BAZ2B: variants seen among roughly 807,000 people sequenced by gnomAD.
BAZ2B encodes the protein bromodomain adjacent to zinc finger domain 2B.
A neutral mutation model predicts 246.0 loss-of-function variants in BAZ2B; 91 were observed. That is an observed-to-expected ratio of 0.37 (90% confidence interval 0.31 to 0.44). The LOEUF (loss-of-function observed/expected upper bound fraction) is 0.44, where lower values mean the gene tolerates loss of function less well. Ranked by LOEUF, BAZ2B falls within the 20% of genes least tolerant of loss-of-function variation. The probability of loss-of-function intolerance (pLI) is 1.00; values close to 1 mark genes in which losing one functional copy is unlikely to be tolerated. For missense variants in BAZ2B, 2,332 were observed against 2,533.7 expected, an observed-to-expected ratio of 0.92 and a Z score of 1.71; for synonymous variants, 855 against 860.0, an observed-to-expected ratio of 0.99 and a Z score of 0.10.
At chr2:159,697,116 T>C in the BAZ2B span, among the ~76,000 whole-genome samples, 2 of 152,178 alleles carry the variant, frequency 1.3e-5, no homozygotes, top group African/African-American at 4.8e-5. Flanking sequence ...TGTTCATCTT[T>C]ATTGGTTTTC....
chr2:159,440,956 T>A (rs1429324977), intron 6 of BAZ2B, among the ~76,000 whole-genome samples: 1 of 152,260 alleles, frequency 6.6e-6, no homozygotes, highest in East Asian at 1.9e-4. Flanking sequence ...GAAACTGAAT[T>A]GGAATTGTAT....
the BAZ2B span, among the ~76,000 whole-genome samples, chr2:159,661,582 A>G: frequency 6.6e-6 from 1 of 152,210 alleles, no homozygotes; most frequent in African/African-American, 2.4e-5. Context: ...TAATTCCTCT[A>G]TAACCATGTC....
intron 2 of BAZ2B, among the ~76,000 whole-genome samples, chr2:159,520,539 G>T (rs923765031): frequency 6.6e-6 from 1 of 151,976 alleles, no homozygotes; most frequent in African/African-American, 2.4e-5. Flanking sequence ...TCAACATGTA[G>T]CAAATACTCT....
At position 159,337,637 on chromosome 2, in the gene BAZ2B, G is replaced by A. The variant is rs751811889; in HGVS notation, c.5590C>T (p.Arg1864Trp). 5.0e-6 allele frequency: 8 copies of A among 1,614,158 alleles called. No individual in the cohort carries two copies. The highest frequency in any genetic ancestry group is 2.7e-5 in the African/African-American group (2 of 75,044). Residue 1864 changes from arginine (R) to tryptophan (W), a missense_variant, in exon 32 of 37, where the codon CGG becomes TGG. Around this residue, in one of 9 missense-constraint regions of BAZ2B, gnomAD observed 676 missense variants for 668.6 expected, o/e 1.01. Transcript: ENST00000392783. ...EDESSAHALE[R>W]KSDNPLDIAV... Reference sequence around the variant, plus strand: ...ATATCTAGGGGGTTGTCACTCTTCCGTTCTAGTGCATGTGCACTGCTTTCG... The same window carrying A: ...ATATCTAGGGGGTTGTCACTCTTCCATTCTAGTGCATGTGCACTGCTTTCG...
chr2:159,325,114 ATTTT>A lies in BAZ2B; in HGVS notation c.6210-164_6210-161del, dbSNP rs1558944519. On this transcript the variant is annotated intron_variant, in intron 35 of 36. Transcript: ENST00000392783. The stretch of plus-strand genomic sequence containing the variant: ...ATATTATATATATATATATATATAT[ATTTT>A]ATATATATATATATATATATATATA... 1.2e-3 allele frequency among the ~76,000 whole-genome samples: 9 copies of A among 7,732 alleles called. 3 individuals are homozygous for A. The highest frequency in any genetic ancestry group is 6.0e-3 in the South Asian group (1 of 168). The allele number at this position is 7,732 out of a possible 152,430, so 5.1% of individuals were successfully genotyped here.
At chr2:159,634,178 G>C in the BAZ2B span, among the ~76,000 whole-genome samples, 2 of 152,212 alleles carry the variant, frequency 1.3e-5, no homozygotes, top group African/African-American at 4.8e-5. Context: ...GAATAGCACA[G>C]TGTGAGAATA....
intron 13 of BAZ2B, among the ~76,000 whole-genome samples, chr2:159,416,822 C>T (rs1027232699): frequency 9.2e-5 from 14 of 152,126 alleles, no homozygotes; most frequent in African/African-American, 3.4e-4. Flanking sequence ...TCTTCTGAAT[C>T]TTAGATTTTA....
rs143066652 is a variant in BAZ2B, at chr2:159,509,770, T to C, written c.-2-31049A>G. Among the ~76,000 whole-genome samples, 627 of 152,226 alleles carry C rather than the reference T, an allele frequency of 4.1e-3. 5 individuals are homozygous for C. The highest frequency in any genetic ancestry group is 0.014 in the African/African-American group (596 of 41,536). On this transcript the variant is annotated intron_variant, in intron 2 of 36. Coordinates refer to ENST00000392783, the MANE Select transcript of BAZ2B (RefSeq NM_013450.4). The stretch of plus-strand genomic sequence containing the variant: ...TACATATTTAATATGTATTTGCATA[T>C]ATGTACAAACATATGTATATATGTA...
chr2:159,403,821 T>C (rs1405980546), intron 16 of BAZ2B, among the ~76,000 whole-genome samples: 1 of 152,162 alleles, frequency 6.6e-6, no homozygotes, highest in Non-Finnish European at 1.5e-5. Flanking sequence ...TATTCAGATA[T>C]TGCAGTTAAC....
At chr2:159,621,856 A>C in the BAZ2B span, among the ~76,000 whole-genome samples, 2 of 152,152 alleles carry the variant, frequency 1.3e-5, no homozygotes, top group Non-Finnish European at 2.9e-5. Flanking sequence ...CTGTAATCCC[A>C]GCACTTTGGG....
the BAZ2B span, among the ~76,000 whole-genome samples, chr2:159,710,212 C>CTT: frequency 0.063 from 9,021 of 143,702 alleles, 372 homozygotes; most frequent in Non-Finnish European, 0.09. Flanking sequence ...AGCAAAATGT[C>CTT]TTTTTTTTTT....
chr2:159,513,936 C>T (rs1322486416), intron 2 of BAZ2B, among the ~76,000 whole-genome samples: 2 of 152,116 alleles, frequency 1.3e-5, no homozygotes, highest in Non-Finnish European at 2.9e-5. Flanking sequence ...CTCACAATGA[C>T]AACCATTCAT....
chr2:159,362,948 G>A (rs1343725113), intron 27 of BAZ2B, among the ~76,000 whole-genome samples: 1 of 152,166 alleles, frequency 6.6e-6, no homozygotes, highest in Non-Finnish European at 1.5e-5. Context: ...TGTGAAGCCA[G>A]TTACTGTGAG....
rs1046803045 is a variant in BAZ2B, at chr2:159,378,295, T to A, written c.4006-3542A>T. On this transcript the variant is annotated intron_variant, in intron 25 of 36. Transcript: ENST00000392783. ...GATGAATGTACATAATTCAGTAGTTTCAAAAGTATAATATTATGAAATAAA... is the reference window on the plus strand; with the variant it reads ...GATGAATGTACATAATTCAGTAGTTACAAAAGTATAATATTATGAAATAAA... Among the ~76,000 whole-genome samples, 8 of 152,346 alleles carry A rather than the reference T, an allele frequency of 5.3e-5. No individual in the cohort carries two copies. In the South Asian group the frequency reaches 1.4e-3, roughly 28 times the overall value.
At chr2:159,664,977 T>C in the BAZ2B span, among the ~76,000 whole-genome samples, 1 of 151,040 alleles carries the variant, frequency 6.6e-6, no homozygotes, top group East Asian at 2.0e-4. Flanking sequence ...AAAATCTCCT[T>C]AAGCTGATAA....
rs377594599 is a variant in BAZ2B, at chr2:159,577,488, T to C, written c.-45-21623A>G. On this transcript the variant is annotated intron_variant, in intron 1 of 36. Coordinates refer to ENST00000392783, the MANE Select transcript of BAZ2B (RefSeq NM_013450.4). ...TATAATCAGAAAAAAACTATTTTGA[T>C]TTCTTTAAATAAATTTGAAAAACAA... Among the ~76,000 whole-genome samples the C allele has an allele frequency of 2.6e-3, 403 of 152,334 alleles. 2 individuals carry two copies. Among genetic ancestry groups the C allele is most frequent in the African/African-American group, 9.2e-3 (381 of 41,574 alleles).
intron 2 of BAZ2B, among the ~76,000 whole-genome samples, chr2:159,535,821 A>G (rs775853189): frequency 2.6e-5 from 4 of 152,224 alleles, no homozygotes; most frequent in Non-Finnish European, 5.9e-5. Flanking sequence ...AATCCATGTT[A>G]GAAAATGGTC....
intron 6 of BAZ2B, among the ~76,000 whole-genome samples, chr2:159,445,808 C>A (rs1216817344): frequency 6.6e-6 from 1 of 152,074 alleles, no homozygotes; most frequent in Non-Finnish European, 1.5e-5. Flanking sequence ...AAGAAGAAAA[C>A]ACTAGAACCA....
chr2:159,320,442 G>A, intron 36 of BAZ2B, 24 bp from the exon 37 acceptor site: 1 of 1,528,012 alleles, frequency 6.5e-7, no homozygotes, highest in Non-Finnish European at 8.7e-7. Flanking sequence ...AATAATTAGA[G>A]ATTGCGTTCA....
Sources: allele counts gnomAD v4.1 joint callset (sites outside exome capture counted in the v4.1 genomes callset), GRCh38; gene constraint gnomAD v4.1.1; regional missense constraint gnomAD v4.1.1; transcripts MANE v1.5; gene names NCBI Gene and HGNC (gene_info 2026-07-23, HGNC 2026-07-21).